Variants in KIAA1755 observed in about 807,000 individuals in gnomAD.
The protein encoded by KIAA1755 is KIAA1755.
Under a neutral mutation model 91.7 loss-of-function variants are expected in KIAA1755, and 68 were observed. The observed-to-expected ratio is 0.74, with a 90% CI of 0.61 to 0.91. The LOEUF (loss-of-function observed/expected upper bound fraction) is 0.91. KIAA1755 is among the 40% of genes least tolerant of loss of function. The pLI is 0.00. For missense variants in KIAA1755, 1,535 were observed against 1,494.4 expected (o/e 1.03, Z -0.45); for synonymous variants, 610 against 604.6 (o/e 1.01, Z -0.13).
In KIAA1755 at chr20:38,245,313, G is replaced by A. The variant is rs60869580; in HGVS notation, c.201+616C>T. ...TGGAAGAATAATGCCAACAAGCAGC[G>A]CAAAGCAGAGACTAGGGACAGAAAG... On this transcript the variant is annotated intron_variant, in intron 2 of 13. Transcript: ENST00000279024. Among the ~76,000 whole-genome samples the A allele has an allele frequency of 6.8e-4, 104 of 152,338 alleles. 1 individual carries two copies. The East Asian group carries it at 0.017, about 25-fold the overall frequency.
intron 10 of KIAA1755, among the ~76,000 whole-genome samples, chr20:38,220,319 T>A (rs1173618759): frequency 1.3e-5 from 2 of 148,798 alleles, no homozygotes; most frequent in Non-Finnish European, 3.0e-5. Flanking sequence ...TTTTTTTTTT[T>A]GAGACGGAGT....
rs773785027 is a variant in KIAA1755 at position 38,246,083 on chromosome 20, C to T, written c.47G>A (p.Gly16Asp). The T allele has an allele frequency of 2.5e-6, 4 of 1,613,886 alleles. No individual in the cohort carries two copies. Among genetic ancestry groups the T allele is most frequent in the Non-Finnish European group, 2.5e-6 (3 of 1,180,008 alleles). ...LDTAIQHALA[G>D]LYPPFEATAP... ...TGTGGCCTCGAAAGGAGGATAGAGG[C>T]CCGCCAGGGCATGCTGGATGGCTGT... The change falls in exon 2 of 14, where the codon GGC (glycine) becomes GAC (aspartate). Residue 16 changes from glycine to aspartate, a missense_variant. By Grantham distance (94) the Gly-to-Asp change is moderately conservative. Transcript: ENST00000279024.
intron 1 of KIAA1755, among the ~76,000 whole-genome samples, chr20:38,259,695 C>A (rs1057237122): frequency 6.6e-6 from 1 of 151,692 alleles, no homozygotes; most frequent in Non-Finnish European, 1.5e-5. Context: ...TCCTTACAGC[C>A]CCTGTGAATC....
chr20:38,241,897 C>T lies in KIAA1755; in HGVS notation c.234G>A (p.Glu78=), dbSNP rs1369164968. ...CATCCCTCAGACAGAGTGGCCAGCC[C>T]TCGTGTAAGAAGAGGCAGTGTGAGT... ...APYSHCLFLH[E]GWPLCLRDEV... is the part of the protein sequence containing the mutation. The change falls in exon 3 of 14, where the codon GAG becomes GAA. Residue 78 remains glutamate (E), a synonymous_variant. Transcript: ENST00000279024. 2.5e-6 allele frequency: 4 copies of T among 1,613,474 alleles called. No individual in the cohort carries two copies. In the African/African-American group the frequency reaches 4.0e-5, roughly 16 times the overall value.
chr20:38,246,701 C>T (rs2076167415), intron 1 of KIAA1755, among the ~76,000 whole-genome samples: 1 of 152,194 alleles, frequency 6.6e-6, no homozygotes, highest in East Asian at 1.9e-4. Context: ...CGGCTGCAGA[C>T]TGTACAGCCA....
Position 38,241,096 on chromosome 20 carries a change from C to T in KIAA1755, c.1035G>A (p.Glu345=). ...TCCTGAAGCCCAAATTATAGGGCCT[C>T]TCCTCAGAGCTTTCTGGCTTTGTGC... is the stretch of plus-strand genomic sequence containing the variant. ...RACTKPESSE[E]RPYNLGFRRK... is the part of the protein sequence containing the mutation. The change falls in exon 3 of 14, where the codon GAG becomes GAA. Residue 345 remains glutamate, a synonymous_variant. Coordinates refer to ENST00000279024, the MANE Select transcript of KIAA1755 (RefSeq NM_001029864.2). 6.2e-7 allele frequency: 1 copy of T among 1,614,144 alleles called. No individual in the cohort carries two copies. Among genetic ancestry groups the T allele is most frequent in the Non-Finnish European group, 8.5e-7 (1 of 1,179,998 alleles).
rs759954765 is a variant in KIAA1755 at position 38,217,489 on chromosome 20, G to C, written c.2680-15C>G. The C allele has an allele frequency of 2.5e-6, 4 of 1,575,776 alleles. No individual in the cohort carries two copies. The East Asian group carries it at 7.0e-5, about 27-fold the overall frequency. On this transcript the variant is annotated splice_polypyrimidine_tract_variant and intron_variant, in intron 12 of 13. Coordinates refer to ENST00000279024, the MANE Select transcript of KIAA1755 (RefSeq NM_001029864.2). Reference sequence around the variant, plus strand: ...CGGTACTGGGCCTGAGAGGGGAGAGGAGGGGGCGCCCACTCAGCACCCACC... The same window carrying C: ...CGGTACTGGGCCTGAGAGGGGAGAGCAGGGGGCGCCCACTCAGCACCCACC...
At chr20:38,238,355 G>A (rs6123502) in intron 4 of KIAA1755, among the ~76,000 whole-genome samples, 1,533 of 152,320 alleles carry the variant, frequency 0.01, 22 homozygotes, top group East Asian at 0.061. Flanking sequence ...GAAGAGATAT[G>A]GAAGTCTGTG....
rs151158177 is a variant in KIAA1755, at chr20:38,225,719, T to C, written c.2115A>G (p.Ala705=). 5 of 1,611,096 alleles carry C rather than the reference T, an allele frequency of 3.1e-6. No homozygotes were observed. The highest frequency in any genetic ancestry group is 3.4e-4 in the Middle Eastern group (2 of 5,928). ...AGTAGGGGAAGGGGCCTTCCAGGAC[T>C]GCGGGCAGCTGGCTGGGGTCCACAT... ...SHHVDPSQLP[A]VLEGPFPYCH... is the part of the protein sequence containing the mutation. Residue 705 remains alanine, a synonymous_variant, in exon 8 of 14, where the codon GCA becomes GCG. Coordinates refer to ENST00000279024, the MANE Select transcript of KIAA1755 (RefSeq NM_001029864.2).
intron 1 of KIAA1755, among the ~76,000 whole-genome samples, chr20:38,249,897 C>T (rs2076218138): frequency 6.6e-6 from 1 of 152,150 alleles, no homozygotes; most frequent in Admixed American, 6.5e-5. Flanking sequence ...CCCACTCCCT[C>T]CCTCCTCTCT....
At chr20:38,254,574 G>C (rs1421437672) in intron 1 of KIAA1755, among the ~76,000 whole-genome samples, 1 of 151,770 alleles carries the variant, frequency 6.6e-6, no homozygotes, top group African/African-American at 2.4e-5. Context: ...GATCTCTTGG[G>C]GCCAGAAGTT....
chr20:38,260,460 G>C, intron 1 of KIAA1755, 38 bp downstream of exon 1: 8 of 1,519,612 alleles, frequency 5.3e-6, no homozygotes, highest in Non-Finnish European at 7.0e-6. Context: ...CCCACTGAAA[G>C]GGGGCAGAGC....
chr20:38,213,068 G>A lies in KIAA1755; in HGVS notation c.3577C>T (p.Gln1193Ter), dbSNP rs2075475534. 1 of 1,560,278 alleles carries A rather than the reference G, an allele frequency of 6.4e-7. No individual in the cohort carries two copies. Among genetic ancestry groups the A allele is most frequent in the Admixed American group, 1.8e-5 (1 of 55,260 alleles). ...DSQTSLEDSP[Q>*]TSPLASL ...TAGAGGGAGGCAAGGGGACTTGTCTGGGGTGAGTCCTCAAGGGATGTCTGT... is the reference window on the plus strand; with the variant it reads ...TAGAGGGAGGCAAGGGGACTTGTCTAGGGTGAGTCCTCAAGGGATGTCTGT... The change falls in exon 14 of 14, where the codon CAG becomes TAG. Residue 1193 changes from glutamine to a stop codon, truncating the protein, a stop_gained. Coordinates refer to ENST00000279024, the MANE Select transcript of KIAA1755 (RefSeq NM_001029864.2). LOFTEE classifies it high-confidence loss of function.
intron 1 of KIAA1755, among the ~76,000 whole-genome samples, chr20:38,247,302 C>A (rs2076175894): frequency 6.6e-6 from 1 of 152,164 alleles, no homozygotes; most frequent in South Asian, 2.1e-4. Context: ...GCCCCCGCCT[C>A]CCCTCCAGCC....
Position 38,213,294 on chromosome 20 carries a change from C to G in KIAA1755, c.3351G>C (p.Gln1117His). The change falls in exon 14 of 14, where the codon CAG (glutamine) becomes CAC (histidine). Residue 1117 changes from glutamine (Q) to histidine (H), a missense_variant. By Grantham distance (24) the Gln-to-His change is conservative. Coordinates refer to ENST00000279024, the MANE Select transcript of KIAA1755 (RefSeq NM_001029864.2). ...GAGAGCCTGCCTGGAAAGTTCTGTT[C>G]TGTTCCCCTCTGGGGGGCCCAGGAG... ...YWPPGPPRGE[Q>H]NRTFQAGSPP... is the part of the protein sequence containing the mutation. The G allele has an allele frequency of 6.2e-7, 1 of 1,613,758 alleles. No individual in the cohort carries two copies. The highest frequency in any genetic ancestry group is 1.1e-5 in the South Asian group (1 of 91,040).
chr20:38,252,902 C>T (rs2076276393), intron 1 of KIAA1755, among the ~76,000 whole-genome samples: 1 of 152,102 alleles, frequency 6.6e-6, no homozygotes, highest in Non-Finnish European at 1.5e-5. Context: ...TGTGGGGGTG[C>T]CCAGGCGGCT....
intron 9 of KIAA1755, chr20:38,222,985 TC>T (rs1171114154): frequency 6.4e-6 from 2 of 314,086 alleles, no homozygotes; most frequent in African/African-American, 4.4e-5. Flanking sequence ...GCCCAACTCT[TC>T]CTTGGTCCAG....
rs771768462 is a variant in KIAA1755, at chr20:38,217,356, G to A, written c.2798C>T (p.Thr933Ile). The change falls in exon 13 of 14, where the codon ACC becomes ATC. Residue 933 changes from threonine (T) to isoleucine (I), a missense_variant. Thr to Ile is a moderately conservative substitution (Grantham distance 89). Transcript: ENST00000279024. Reference sequence around the variant, plus strand: ...CAGCTCAGCCTGGAAGGCCCGCTGGGTAGAGGCAAAGGCTGCCAGCTCTGG... The same window carrying A: ...CAGCTCAGCCTGGAAGGCCCGCTGGATAGAGGCAAAGGCTGCCAGCTCTGG... ...EFPELAAFASTQRAFQAELTH... is the reference protein window; with the variant it reads ...EFPELAAFASIQRAFQAELTH... The A allele has an allele frequency of 9.3e-6, 15 of 1,613,178 alleles. No homozygotes were observed. In the East Asian group the frequency reaches 3.1e-4, roughly 34 times the overall value.
chr20:38,250,841 G>A (rs562755694), intron 1 of KIAA1755, among the ~76,000 whole-genome samples: 35 of 152,012 alleles, frequency 2.3e-4, no homozygotes, highest in African/African-American at 4.1e-4. Flanking sequence ...ATGTGGGGGC[G>A]GCCATGTTAC....
Sources: gnomAD v4.1 joint callset for allele counts (sites outside exome capture counted in the v4.1 genomes callset) on GRCh38, gnomAD v4.1.1 for gene constraint, MANE v1.5 for transcripts, NCBI Gene and HGNC (gene_info 2026-07-23, HGNC 2026-07-21) for gene names.